CCSER1: variants seen among roughly 807,000 people sequenced by gnomAD.
CCSER1 encodes the protein coiled-coil serine rich protein 1.
A neutral mutation model predicts 82.0 loss-of-function variants in CCSER1; 41 were observed. That is an observed-to-expected ratio of 0.50 (90% CI 0.39 to 0.65). CCSER1 has a LOEUF of 0.65. Among genes scored for constraint, CCSER1 ranks in the 30% least tolerant of loss-of-function variants. The probability of loss-of-function intolerance (pLI) is 0.00; values close to 1 mark genes in which losing one functional copy is unlikely to be tolerated. For missense variants in CCSER1, 1,119 were observed against 1,064.2 expected (o/e 1.05, Z -0.72); for synonymous variants, 414 against 383.9 (o/e 1.08, Z -0.92).
At chr4:90,142,451 A>G (rs1724973143) in intron 1 of CCSER1, among the ~76,000 whole-genome samples, 1 of 152,222 alleles carries the variant, frequency 6.6e-6, no homozygotes, top group Admixed American at 6.5e-5. Context: ...ATTAGCTCCA[A>G]CATGATGGGT....
intron 1 of CCSER1, among the ~76,000 whole-genome samples, chr4:90,273,996 TAA>T (rs1727074305): frequency 6.6e-6 from 1 of 152,188 alleles, no homozygotes; most frequent in South Asian, 2.1e-4. Flanking sequence ...TTTAAAAATT[TAA>T]AAACACTAAT....
At chr4:91,002,608 T>A (rs1021177375) in intron 9 of CCSER1, among the ~76,000 whole-genome samples, 1 of 152,188 alleles carries the variant, frequency 6.6e-6, no homozygotes, top group Non-Finnish European at 1.5e-5. Flanking sequence ...TAATTTTTTT[T>A]AATTTATGCT....
chr4:91,395,577 C>T (rs985219082), intron 10 of CCSER1, among the ~76,000 whole-genome samples: 3 of 151,880 alleles, frequency 2.0e-5, no homozygotes, highest in Admixed American at 1.3e-4. Flanking sequence ...GAATTATATA[C>T]AATAAGGGGG....
intron 10 of CCSER1, among the ~76,000 whole-genome samples, chr4:91,323,518 T>C (rs1423459684): frequency 3.9e-5 from 6 of 152,176 alleles, no homozygotes. Flanking sequence ...ATGTACATAA[T>C]GACATAAATA....
At chr4:90,356,955 C>G (rs1744468478) in intron 3 of CCSER1, among the ~76,000 whole-genome samples, 1 of 151,746 alleles carries the variant, frequency 6.6e-6, no homozygotes, top group African/African-American at 2.4e-5. Flanking sequence ...CATAAATAGA[C>G]CTGCAGAAAA....
chr4:91,277,684 A>C (rs567594459), intron 10 of CCSER1, among the ~76,000 whole-genome samples: 2 of 150,230 alleles, frequency 1.3e-5, no homozygotes, highest in South Asian at 4.2e-4. Flanking sequence ...AATTTTGTTT[A>C]GTTCTGCTAT....
intron 5 of CCSER1, 66 bp from the exon 6 acceptor site, chr4:90,627,959 A>G (rs1723620664): frequency 1.6e-6 from 2 of 1,225,470 alleles, no homozygotes; most frequent in Admixed American, 3.5e-5. Context: ...ATTGATTAAC[A>G]ACTTGGGAAA....
chr4:90,330,789 G>A (rs1475935023), intron 3 of CCSER1, among the ~76,000 whole-genome samples: 1 of 152,144 alleles, frequency 6.6e-6, no homozygotes, highest in Non-Finnish European at 1.5e-5. Flanking sequence ...CTGGAAGCCT[G>A]TAAGGTCTGT....
chr4:91,254,720 A>AT (rs892119946), intron 10 of CCSER1, among the ~76,000 whole-genome samples: 21 of 151,936 alleles, frequency 1.4e-4, no homozygotes, highest in South Asian at 4.2e-4. Flanking sequence ...CCTTAACAGT[A>AT]TTTTTTTTAA....
intron 5 of CCSER1, among the ~76,000 whole-genome samples, chr4:90,623,066 C>T (rs1398577646): frequency 1.9e-4 from 23 of 122,590 alleles, no homozygotes; most frequent in South Asian, 2.6e-4. Flanking sequence ...CTCCCTCTTT[C>T]GCCCAGGCCA....
At chr4:90,238,756 ATTTTG>A (rs999171912) in intron 1 of CCSER1, among the ~76,000 whole-genome samples, 1 of 152,092 alleles carries the variant, frequency 6.6e-6, no homozygotes. Context: ...TTACTTTTGG[ATTTTG>A]TTTTGTTTTG....
intron 10 of CCSER1, among the ~76,000 whole-genome samples, chr4:91,165,517 C>T (rs1731945482): frequency 6.6e-6 from 1 of 152,204 alleles, no homozygotes; most frequent in Non-Finnish European, 1.5e-5. Context: ...TCTTGTTCAG[C>T]CATGCCCTGC....
At chr4:90,237,135 A>C (rs1032272052) in intron 1 of CCSER1, among the ~76,000 whole-genome samples, 3 of 152,176 alleles carry the variant, frequency 2.0e-5, no homozygotes, top group Non-Finnish European at 4.4e-5. Flanking sequence ...TAATTGTCTT[A>C]CATTTCTGAT....
At chr4:91,330,085 T>A (rs2149275288) in intron 10 of CCSER1, among the ~76,000 whole-genome samples, 1 of 152,294 alleles carries the variant, frequency 6.6e-6, no homozygotes, top group South Asian at 2.1e-4. Flanking sequence ...CTTTACTTTT[T>A]TCTAATGTAA....
intron 5 of CCSER1, among the ~76,000 whole-genome samples, chr4:90,491,866 C>A (rs1256005683): frequency 2.0e-5 from 3 of 152,148 alleles, no homozygotes; most frequent in Non-Finnish European, 2.9e-5. Flanking sequence ...AGGGATGAAG[C>A]CCACTTGATA....
At chr4:90,609,981 G>C (rs1303677840) in intron 5 of CCSER1, among the ~76,000 whole-genome samples, 11 of 152,098 alleles carry the variant, frequency 7.2e-5, no homozygotes, top group Admixed American at 1.3e-4. Context: ...GGCCAGGCGC[G>C]GTGGCTCATG....
intron 8 of CCSER1, among the ~76,000 whole-genome samples, chr4:90,890,006 T>G (rs1455275345): frequency 6.6e-6 from 1 of 152,150 alleles, no homozygotes; most frequent in Non-Finnish European, 1.5e-5. Flanking sequence ...TTATGCTCAA[T>G]AGAAAACTCT....
intron 6 of CCSER1, among the ~76,000 whole-genome samples, chr4:90,717,497 G>C (rs1267428440): frequency 6.6e-6 from 1 of 152,068 alleles, no homozygotes; most frequent in South Asian, 2.1e-4. Context: ...TATCGCTCTT[G>C]TTTTGGTTTA....
intron 3 of CCSER1, among the ~76,000 whole-genome samples, chr4:90,380,571 G>A (rs971212661): frequency 5.3e-5 from 8 of 152,098 alleles, no homozygotes; most frequent in African/African-American, 1.9e-4. Context: ...TAAATTGTTT[G>A]ACTTTGTAAA....
Sources: allele counts gnomAD v4.1 joint callset (sites outside exome capture counted in the v4.1 genomes callset), GRCh38; gene constraint gnomAD v4.1.1; transcripts MANE v1.5; gene names NCBI Gene and HGNC (gene_info 2026-07-23, HGNC 2026-07-21).